SLC24A3: variants seen among roughly 807,000 people sequenced by gnomAD.
The protein encoded by SLC24A3 is solute carrier family 24 member 3.
Under a neutral mutation model 75.8 loss-of-function variants are expected in SLC24A3, and 28 were observed. The ratio of observed to expected loss-of-function variants is 0.37; its 90% confidence interval spans 0.27 to 0.51. The LOEUF (loss-of-function observed/expected upper bound fraction) is 0.51, where lower values mean the gene tolerates loss of function less well. SLC24A3 is among the 20% of genes least tolerant of loss of function. SLC24A3 has a pLI of 0.94. For synonymous variants in SLC24A3, 372 were observed against 334.1 expected (o/e 1.11, Z -1.24); for missense variants, 663 against 847.8 (o/e 0.78, Z 2.71).
At chr20:19,498,199 C>A (rs566125102) in intron 2 of SLC24A3, among the ~76,000 whole-genome samples, 1 of 152,230 alleles carries the variant, frequency 6.6e-6, no homozygotes, top group Admixed American at 6.5e-5. Flanking sequence ...CAGCTCAGGG[C>A]TCCCACTGAT....
chr20:19,233,095 G>A (rs377599398), intron 1 of SLC24A3, among the ~76,000 whole-genome samples: 10 of 152,126 alleles, frequency 6.6e-5, no homozygotes, highest in East Asian at 1.9e-4. Flanking sequence ...CAGTTGCTTC[G>A]GTTTTTCTAC....
At chr20:19,416,203 C>A (rs963390643) in intron 2 of SLC24A3, among the ~76,000 whole-genome samples, 1 of 152,300 alleles carries the variant, frequency 6.6e-6, no homozygotes, top group Non-Finnish European at 1.5e-5. Context: ...ACTACCATGG[C>A]AAATGGGGAA....
In SLC24A3 at chr20:19,296,098, G is replaced by A. The variant is rs577634670; in HGVS notation, c.271+15011G>A. Among the ~76,000 whole-genome samples, 4 of 152,152 alleles carry A rather than the reference G, an allele frequency of 2.6e-5. No homozygotes were observed. In the South Asian group the frequency reaches 8.3e-4, roughly 32 times the overall value. On this transcript the variant is annotated intron_variant, in intron 2 of 16. Transcript: ENST00000328041. Reference sequence around the variant, plus strand: ...GGTTCAATCTTGGGATGGTGTATGTGTCCAACAGTTTATCCTTTTCTTCTA... The same window carrying A: ...GGTTCAATCTTGGGATGGTGTATGTATCCAACAGTTTATCCTTTTCTTCTA...
intron 2 of SLC24A3, chr20:19,283,068 G>C (rs1327286154): frequency 6.5e-6 from 1 of 152,798 alleles, no homozygotes; most frequent in Non-Finnish European, 1.5e-5. Context: ...GCAAAAGCAA[G>C]CTGAGTCATG....
intron 2 of SLC24A3, among the ~76,000 whole-genome samples, chr20:19,325,226 C>T (rs947699216): frequency 1.3e-5 from 2 of 151,644 alleles, no homozygotes; most frequent in Non-Finnish European, 1.5e-5. Flanking sequence ...CCAGAAGTTC[C>T]AGCCTGGGAA....
chr20:19,213,000 C>A lies in SLC24A3; in HGVS notation c.142+16C>A. 1 of 1,257,168 alleles carries A rather than the reference C, an allele frequency of 8.0e-7. No homozygotes were observed. The highest frequency in any genetic ancestry group is 1.0e-6 in the Non-Finnish European group (1 of 998,964). 77.9% of individuals were successfully genotyped at this position (1,257,168 alleles called of 1,614,324 possible). A position where few individuals can be genotyped will look rare whatever the true frequency, so the allele number is the denominator to read the frequency against. Reference sequence around the variant, plus strand: ...GAGCAGAAGGGTGAGTGCACGCTGCCTGCCCCGAGTGGGCGCTGCGGCTCC... The same window carrying A: ...GAGCAGAAGGGTGAGTGCACGCTGCATGCCCCGAGTGGGCGCTGCGGCTCC... On this transcript the variant is annotated intron_variant, in intron 1 of 16. Transcript: ENST00000328041.
intron 1 of SLC24A3, among the ~76,000 whole-genome samples, chr20:19,218,667 T>C (rs1981627640): frequency 6.6e-6 from 1 of 152,128 alleles, no homozygotes; most frequent in South Asian, 2.1e-4. Context: ...TTTCCTCCAC[T>C]TGCAAGCCTC....
At chr20:19,456,789 ACTTC>A (rs1476472996) in intron 2 of SLC24A3, among the ~76,000 whole-genome samples, 2 of 152,166 alleles carry the variant, frequency 1.3e-5, no homozygotes, top group African/African-American at 4.8e-5. Flanking sequence ...GTGGGTGGTG[ACTTC>A]CTGCCTTGGG....
intron 1 of SLC24A3, among the ~76,000 whole-genome samples, chr20:19,247,252 C>G (rs78849260): frequency 0.01 from 1,561 of 152,252 alleles, 45 homozygotes; most frequent in African/African-American, 0.036. Context: ...GGTGAGTGAG[C>G]CTTCCATTTT....
At chr20:19,387,597 G>A (rs1036886793) in intron 2 of SLC24A3, among the ~76,000 whole-genome samples, 3 of 152,162 alleles carry the variant, frequency 2.0e-5, no homozygotes, top group African/African-American at 7.2e-5. Context: ...GTTCAGAAGT[G>A]TGCTGTTTAA....
rs1247214002 is a variant in SLC24A3 at position 19,655,774 on chromosome 20, G to A, written c.687+1638G>A. On this transcript the variant is annotated intron_variant, in intron 7 of 16. Transcript: ENST00000328041. Reference sequence around the variant, plus strand: ...CTTTGGATTCAAATTGGGACCTACAGCATTGGCTTCCCTGGTTCTCAGGCC... The same window carrying A: ...CTTTGGATTCAAATTGGGACCTACAACATTGGCTTCCCTGGTTCTCAGGCC... 2.0e-5 allele frequency among the ~76,000 whole-genome samples: 3 copies of A among 152,136 alleles called. No homozygotes were observed. The East Asian group carries it at 5.8e-4, about 29-fold the overall frequency.
At chr20:19,414,234 C>T (rs1386057946) in intron 2 of SLC24A3, among the ~76,000 whole-genome samples, 1 of 152,134 alleles carries the variant, frequency 6.6e-6, no homozygotes, top group Non-Finnish European at 1.5e-5. Flanking sequence ...AAATAACTAG[C>T]CCATTATAAA....
intron 6 of SLC24A3, among the ~76,000 whole-genome samples, chr20:19,597,529 G>C (rs913199479): frequency 2.6e-5 from 4 of 152,102 alleles, no homozygotes; most frequent in African/African-American, 7.2e-5. Context: ...TGGGTATTTA[G>C]AGTGTCTGTC....
chr20:19,368,274 C>T (rs533097786), intron 2 of SLC24A3, among the ~76,000 whole-genome samples: 4 of 152,292 alleles, frequency 2.6e-5, no homozygotes, highest in African/African-American at 9.6e-5. Context: ...GTAACACTGG[C>T]ACTTTAAGAC....
chr20:19,228,620 G>C (rs1478968395), intron 1 of SLC24A3, among the ~76,000 whole-genome samples: 1 of 151,956 alleles, frequency 6.6e-6, no homozygotes, highest in Admixed American at 6.6e-5. Flanking sequence ...ACTCCAGCCT[G>C]GGTGACAGAG....
intron 1 of SLC24A3, among the ~76,000 whole-genome samples, chr20:19,270,733 A>G (rs1479401578): frequency 6.6e-6 from 1 of 151,968 alleles, no homozygotes; most frequent in Non-Finnish European, 1.5e-5. Context: ...AAGAAACCCC[A>G]TATTGGACAT....
At chr20:19,346,038 C>T (rs1985388645) in intron 2 of SLC24A3, among the ~76,000 whole-genome samples, 1 of 119,356 alleles carries the variant, frequency 8.4e-6, no homozygotes, top group African/African-American at 3.5e-5. Flanking sequence ...AGCCCAAATG[C>T]CCATCAATCA....
chr20:19,673,511 C>A, intron 8 of SLC24A3, 90 bp from the exon 9 acceptor site: 2 of 1,104,842 alleles, frequency 1.8e-6, no homozygotes, highest in Non-Finnish European at 2.8e-6. Context: ...ACTATCCTGG[C>A]CGTTTGCATC....
chr20:19,682,183 A>G (rs1049506367), intron 10 of SLC24A3, among the ~76,000 whole-genome samples, 192 bp downstream of exon 10: 1 of 152,228 alleles, frequency 6.6e-6, no homozygotes, highest in African/African-American at 2.4e-5. Flanking sequence ...TGAACGCAGG[A>G]GGCAGACGTT....
Sources: gnomAD v4.1 joint callset for allele counts (sites outside exome capture counted in the v4.1 genomes callset) on GRCh38, gnomAD v4.1.1 for gene constraint, MANE v1.5 for transcripts, NCBI Gene and HGNC (gene_info 2026-07-23, HGNC 2026-07-21) for gene names.